The following HPS4 variants were observed in gnomAD, a reference collection of about 807,000 sequenced individuals.
The protein encoded by HPS4 is HPS4 biogenesis of lysosomal organelles complex 3 subunit 2.
A neutral mutation model predicts 70.3 loss-of-function variants in HPS4; 44 were observed. The ratio of observed to expected loss-of-function variants is 0.63; its 90% confidence interval spans 0.49 to 0.80. The LOEUF (loss-of-function observed/expected upper bound fraction) is 0.80, where lower values mean the gene tolerates loss of function less well. Ranked by LOEUF, HPS4 falls within the 30% of genes least tolerant of loss-of-function variation. The pLI is 0.00. For missense variants in HPS4, 873 were observed against 884.4 expected, an observed-to-expected ratio of 0.99 and a Z score of 0.16; for synonymous variants, 377 against 355.9, an observed-to-expected ratio of 1.06 and a Z score of -0.67.
chr22:26,462,774 C>A (rs1457729707), intron 11 of HPS4, among the ~76,000 whole-genome samples: 1 of 152,140 alleles, frequency 6.6e-6, no homozygotes, highest in Non-Finnish European at 1.5e-5. Context: ...ACTCCCCGCA[C>A]TGCTATAAGA....
intron 11 of HPS4, 102 bp from the exon 12 acceptor site, chr22:26,458,679 A>ACCGTGCCTGGCT: frequency 7.1e-7 from 1 of 1,404,200 alleles, no homozygotes; most frequent in Non-Finnish European, 9.8e-7. Context: ...TCCTCCAGCC[A>ACCGTGCCTGGCT]GGCACGGTGG....
At chr22:26,478,927 A>G (rs1472253019) in intron 3 of HPS4, among the ~76,000 whole-genome samples, 1 of 152,142 alleles carries the variant, frequency 6.6e-6, no homozygotes, top group Non-Finnish European at 1.5e-5. Flanking sequence ...CAGGTGATCC[A>G]TCCACCTCAG....
intron 4 of HPS4, among the ~76,000 whole-genome samples, chr22:26,473,360 T>G (rs962685981): frequency 3.3e-5 from 5 of 152,180 alleles, no homozygotes; most frequent in Admixed American, 6.5e-5. Context: ...AACTCCTTCA[T>G]GAATGGCCAT....
In HPS4 at chr22:26,479,328, A is replaced by G. The variant is rs1182874323; in HGVS notation, c.69T>C (p.Gly23=). ...SWWNYFFLYD[G]SKVKEEGDPT... ...GATCGCCTTCTTCCTTTACCTTGGA[A>G]CCATCATAAAGAAAAAAATAATTCC... The change falls in exon 3 of 14, where the codon GGT becomes GGC. Residue 23 remains glycine (G), a synonymous_variant. Coordinates refer to ENST00000398145, the MANE Select transcript of HPS4 (RefSeq NM_022081.6). 3 of 1,614,174 alleles carry G rather than the reference A, an allele frequency of 1.9e-6. No individual in the cohort carries two copies. Among genetic ancestry groups the G allele is most frequent in the South Asian group, 2.2e-5 (2 of 91,076 alleles).
chr22:26,463,875 C>G (rs1334584982), intron 11 of HPS4, 42 bp downstream of exon 11: 1 of 1,598,886 alleles, frequency 6.3e-7, no homozygotes, highest in Admixed American at 1.7e-5. Flanking sequence ...AGGAGATCGG[C>G]AGAGGCCGCA....
intron 13 of HPS4, among the ~76,000 whole-genome samples, chr22:26,455,861 C>T (rs1422074491): frequency 6.6e-6 from 1 of 152,060 alleles, no homozygotes; most frequent in Non-Finnish European, 1.5e-5. Context: ...AGGAAGGTGA[C>T]ATACTGCAGG....
At position 26,453,226 on chromosome 22, in the gene HPS4, G is replaced by A; in HGVS notation, c.*7C>T. ...TTTCTCCTTCCCAGTCACCTCCTGG[G>A]TGCAGTTCAGAGCAAGTTCACCCCG... On this transcript the variant is annotated 3_prime_UTR_variant, in exon 14 of 14. Transcript: ENST00000398145. 2 of 1,614,052 alleles carry A rather than the reference G, an allele frequency of 1.2e-6. No homozygotes were observed. Among genetic ancestry groups the A allele is most frequent in the East Asian group, 2.2e-5 (1 of 44,890 alleles).
At chr22:26,479,714 A>G in intron 2 of HPS4, 1 of 1,085,748 alleles carries the variant, frequency 9.2e-7, no homozygotes, top group Non-Finnish European at 1.1e-6. Context: ...TGATAACAAA[A>G]TAAGTTAGGG....
intron 5 of HPS4, 101 bp from the exon 6 acceptor site, chr22:26,472,519 C>T: frequency 1.2e-6 from 1 of 860,270 alleles, no homozygotes; most frequent in Non-Finnish European, 2.0e-6. Context: ...ACACAGGAAA[C>T]TGACCGGAAG....
intron 5 of HPS4, 75 bp downstream of exon 5, chr22:26,472,757 G>GT: frequency 9.1e-7 from 1 of 1,099,958 alleles, no homozygotes; most frequent in Non-Finnish European, 1.4e-6. Flanking sequence ...AGACCCCAGA[G>GT]TAAGTGCTGC....
At position 26,457,854 on chromosome 22, in the gene HPS4, C is replaced by T; in HGVS notation, c.1955+5G>A. On this transcript the variant is annotated splice_donor_5th_base_variant and intron_variant, in intron 13 of 13. Transcript: ENST00000398145. ...TAGGTTGGGGAGCGACTCAGGGAGGCTCACCTGACAGTCATTTCATAAAGC... is the reference window on the plus strand; with the variant it reads ...TAGGTTGGGGAGCGACTCAGGGAGGTTCACCTGACAGTCATTTCATAAAGC... 1 of 1,611,626 alleles carries T rather than the reference C, an allele frequency of 6.2e-7. No individual in the cohort carries two copies. The highest frequency in any genetic ancestry group is 8.5e-7 in the Non-Finnish European group (1 of 1,177,752).
chr22:26,463,426 G>A (rs1290397683), intron 11 of HPS4, among the ~76,000 whole-genome samples: 1 of 152,218 alleles, frequency 6.6e-6, no homozygotes, highest in Non-Finnish European at 1.5e-5. Context: ...TAGGAAATGA[G>A]GCCATGAGCA....
chr22:26,455,821 T>G (rs999361197), intron 13 of HPS4, among the ~76,000 whole-genome samples: 1 of 152,120 alleles, frequency 6.6e-6, no homozygotes, highest in Non-Finnish European at 1.5e-5. Context: ...TTGAGCTATG[T>G]GTCTCAACAC....
chr22:26,468,685 T>G (rs892112305), intron 7 of HPS4, 62 bp from the exon 8 acceptor site: 7 of 1,502,268 alleles, frequency 4.7e-6, no homozygotes, highest in Non-Finnish European at 5.6e-6. Context: ...CACTCCAAAT[T>G]TTAAAGATGC....
At chr22:26,444,964 G>A (rs2084904934) in intron 3 of HPS4, 1 of 152,192 alleles carries the variant, frequency 6.6e-6, no homozygotes, top group Non-Finnish European at 1.5e-5. Flanking sequence ...CTGCATTCAT[G>A]TGACATGTCT....
In HPS4 at chr22:26,481,891, T is replaced by G. The variant is rs937760680; in HGVS notation, c.-129A>C. 2 of 909,578 alleles carry G rather than the reference T, an allele frequency of 2.2e-6. No homozygotes were observed. The highest frequency in any genetic ancestry group is 3.6e-6 in the Non-Finnish European group (2 of 551,022). 56.3% of individuals were successfully genotyped at this position (909,578 alleles called of 1,614,324 possible). ...CTGGACGTGGTAGGTTTCAGTGTTT[T>G]CAGTCACAACTGCCACTTGGTTAGT... On this transcript the variant is annotated 5_prime_UTR_variant, in exon 2 of 14. Transcript: ENST00000398145.
intron 13 of HPS4, among the ~76,000 whole-genome samples, chr22:26,457,491 G>A (rs991467407): frequency 2.0e-5 from 3 of 152,178 alleles, no homozygotes; most frequent in African/African-American, 7.2e-5. Context: ...GATTACAGGT[G>A]TGAGCCACTG....
rs1199773496 is a variant in HPS4 at position 26,452,403 on chromosome 22, TGAAAAGCACAGTG to T, written c.*817_*829del. On this transcript the variant is annotated 3_prime_UTR_variant, in exon 14 of 14. Coordinates refer to ENST00000398145, the MANE Select transcript of HPS4 (RefSeq NM_022081.6). ...TCGCTCCCTTTCACGCAGCCACCAC[TGAAAAGCACAGTG>T]CTTTTACCCCCAGACATCTTGTAAA... 2 of 455,190 alleles carry T rather than the reference TGAAAAGCACAGTG, an allele frequency of 4.4e-6. No homozygotes were observed. The highest frequency in any genetic ancestry group is 3.1e-5 in the South Asian group (2 of 64,198). 28.2% of individuals were successfully genotyped at this position (455,190 alleles called of 1,614,324 possible).
At chr22:26,465,583 T>C (rs752189653) in intron 9 of HPS4, 32 bp from the exon 10 acceptor site, 1 of 1,561,570 alleles carries the variant, frequency 6.4e-7, no homozygotes, top group African/African-American at 1.4e-5. Context: ...AACAGGACTT[T>C]CCCCTGAGCC....
Sources: allele counts gnomAD v4.1 joint callset (sites outside exome capture counted in the v4.1 genomes callset), GRCh38; gene constraint gnomAD v4.1.1; transcripts MANE v1.5; gene names NCBI Gene and HGNC (gene_info 2026-07-23, HGNC 2026-07-21).